EMC1: variants seen among roughly 807,000 people sequenced by gnomAD.
The protein encoded by EMC1 is ER membrane protein complex subunit 1, also known as KIAA0090.
In EMC1, 103 loss-of-function variants were observed where a neutral mutation model predicts 128.8. The ratio of observed to expected loss-of-function variants is 0.80; its 90% confidence interval spans 0.68 to 0.94. The LOEUF (loss-of-function observed/expected upper bound fraction) is 0.94. Ranked by LOEUF, EMC1 falls within the 40% of genes least tolerant of loss-of-function variation. The probability of loss-of-function intolerance (pLI) is 0.00; values close to 1 mark genes in which losing one functional copy is unlikely to be tolerated. For missense variants in EMC1, 1,083 were observed against 1,250.6 expected (o/e 0.87, Z 2.02); for synonymous variants, 442 against 490.4 (o/e 0.90, Z 1.30).
rs188945281 is a variant in EMC1, at chr1:19,227,399, G to A, written c.2116C>T (p.Arg706Trp). 9.3e-6 allele frequency: 15 copies of A among 1,614,174 alleles called. No individual in the cohort carries two copies. The highest frequency in any genetic ancestry group is 2.2e-5 in the East Asian group (1 of 44,878). ...WELTIPPEVQ[R>W]IVKVKGKRSS... ...CGTTTCCCCTTCACCTTGACGATCC[G>A]CTGTACTTCTGGGGGAATGGTCAGC... Residue 706 changes from arginine (R) to tryptophan (W), a missense_variant, in exon 18 of 23, where the codon CGG (arginine) becomes TGG (tryptophan). Physicochemically the swap from Arg to Trp is moderately radical, Grantham distance 101. Coordinates refer to ENST00000477853, the MANE Select transcript of EMC1 (RefSeq NM_015047.3).
chr1:19,226,746 T>C (rs710877), intron 18 of EMC1, among the ~76,000 whole-genome samples: 3 of 150,184 alleles, frequency 2.0e-5, no homozygotes, highest in Admixed American at 1.3e-4. Flanking sequence ...TTTTTTTTTT[T>C]GGGGGTGGTA....
chr1:19,233,366 G>A (rs2093539062), intron 13 of EMC1, among the ~76,000 whole-genome samples: 1 of 152,154 alleles, frequency 6.6e-6, no homozygotes, highest in African/African-American at 2.4e-5. Flanking sequence ...ACTAAACCCA[G>A]CTGGAATCTT....
rs1553250515 is a variant in EMC1, at chr1:19,216,244, C to CAAAAAAAAAAAAAAAAA, written c.*3058_*3059insTTTTTTTTTTTTTTTTT. ...AGAGACCCTGCCTCCAAAAAAAAAGCAATTTATAAAGGCAGTGAAATTACA... is the reference window on the plus strand; with the variant it reads ...AGAGACCCTGCCTCCAAAAAAAAAGCAAAAAAAAAAAAAAAAAAATTTATAAAGGCAGTGAAATTACA... On this transcript the variant is annotated 3_prime_UTR_variant, in exon 23 of 23. Transcript: ENST00000477853. 1.0e-5 allele frequency: 1 copy of CAAAAAAAAAAAAAAAAA among 98,114 alleles called. No individual in the cohort carries two copies. Among genetic ancestry groups the CAAAAAAAAAAAAAAAAA allele is most frequent in the African/African-American group, 3.5e-5 (1 of 28,444 alleles). 6.1% of individuals were successfully genotyped at this position (98,114 alleles called of 1,614,324 possible). A position where few individuals can be genotyped will look rare whatever the true frequency, so the allele number is the denominator to read the frequency against.
At chr1:19,250,673 G>T (rs1246062279) in intron 1 of EMC1, among the ~76,000 whole-genome samples, 2 of 152,216 alleles carry the variant, frequency 1.3e-5, no homozygotes, top group Non-Finnish European at 2.9e-5. Context: ...CAGGCATTGT[G>T]CTAAGTAATT....
rs1156953877 is a variant in EMC1 at position 19,240,305 on chromosome 1, G to C, written c.778C>G (p.Pro260Ala). 9.9e-6 allele frequency: 16 copies of C among 1,614,164 alleles called. No individual in the cohort carries two copies. The highest frequency in any genetic ancestry group is 8.9e-5 in the East Asian group (4 of 44,890). The change falls in exon 7 of 23, where the codon CCA (proline) becomes GCA (alanine). Residue 260 changes from proline (P) to alanine (A), a missense_variant. Transcript: ENST00000477853. ...LETEWELRQI[P>A]LQSLDLEFGS... Reference sequence around the variant, plus strand: ...CAGTGGCAGCCTCTCACCTGCAGTGGGATCTGTCTCAACTCCCATTCCGTC... The same window carrying C: ...CAGTGGCAGCCTCTCACCTGCAGTGCGATCTGTCTCAACTCCCATTCCGTC...
In EMC1 at chr1:19,237,172, CCT is replaced by C. The variant is rs2093571610; in HGVS notation, c.1277_1278del (p.Glu426GlyfsTer20). The part of the protein sequence containing the change: ...SVGYRALVQT[E>X]DHLLLFLQQL... ...TGCTGCAGGAAAAGTAGCAGATGAT[CCT>C]CTGTCTGCACCAAAGCCCGGTAGCC... On this transcript the variant is annotated frameshift_variant, in exon 12 of 23. Transcript: ENST00000477853. LOFTEE classifies it high-confidence loss of function. 2 of 1,613,888 alleles carry C rather than the reference CCT, an allele frequency of 1.2e-6. No homozygotes were observed. The highest frequency in any genetic ancestry group is 1.7e-6 in the Non-Finnish European group (2 of 1,179,892).
chr1:19,240,885 G>T, intron 6 of EMC1, 131 bp downstream of exon 6: 1 of 1,037,118 alleles, frequency 9.6e-7, no homozygotes, highest in Non-Finnish European at 1.4e-6. Context: ...CAGCTGGCAA[G>T]TGACCAGAAT....
At position 19,219,312 on chromosome 1, in the gene EMC1, G is replaced by C. The variant is rs2093413281; in HGVS notation, c.2973C>G (p.Ala991=). ...RLAQVKLLNR[A]WR is the part of the protein sequence containing the mutation. Reference sequence around the variant, plus strand: ...GCACAGTCTTTGTTCTTTATCGCCAGGCCCGATTCAGGAGCTTCACCTGTG... The same window carrying C: ...GCACAGTCTTTGTTCTTTATCGCCACGCCCGATTCAGGAGCTTCACCTGTG... Residue 991 remains alanine, a synonymous_variant, in exon 23 of 23, where the codon GCC becomes GCG. Transcript: ENST00000477853. The C allele has an allele frequency of 6.2e-7, 1 of 1,613,934 alleles. No individual in the cohort carries two copies. Among genetic ancestry groups the C allele is most frequent in the African/African-American group, 1.3e-5 (1 of 74,874 alleles).
At chr1:19,251,356 G>A in intron 1 of EMC1, 59 bp downstream of exon 1, 1 of 1,447,896 alleles carries the variant, frequency 6.9e-7, no homozygotes, top group Middle Eastern at 1.7e-4. Context: ...TTAGCAGGTA[G>A]GAGACAGGTA....
rs2093536644 is a variant in EMC1 at position 19,233,109 on chromosome 1, G to A, written c.1459C>T (p.Arg487Cys). 9.3e-6 allele frequency: 15 copies of A among 1,614,070 alleles called. No homozygotes were observed. The highest frequency in any genetic ancestry group is 1.2e-5 in the Non-Finnish European group (14 of 1,179,990). ...AGCAGGATAAGCTGAGACGAGAGGC[G>A]TTTCAGGAACATCCCCAGCAAGCCA... ...ADGLLGMFLK[R>C]LSSQLILLQA... The change falls in exon 14 of 23, where the codon CGC becomes TGC. Residue 487 changes from arginine to cysteine, a missense_variant. Physicochemically the swap from Arg to Cys is radical, Grantham distance 180. Around this residue, in one of 3 missense-constraint regions of EMC1, gnomAD observed 12 missense variants for 34.2 expected, o/e 0.35. Coordinates refer to ENST00000477853, the MANE Select transcript of EMC1 (RefSeq NM_015047.3).
rs749806426 is a variant in EMC1, at chr1:19,243,569, T to C, written c.380+45A>G. The stretch of plus-strand genomic sequence containing the variant: ...CTGTCTATGCAGATCTGTGTTCCGG[T>C]GAAGCCTTTAACTCAGTCAAGATAA... On this transcript the variant is annotated intron_variant, in intron 4 of 22. Coordinates refer to ENST00000477853, the MANE Select transcript of EMC1 (RefSeq NM_015047.3). The C allele has an allele frequency of 2.6e-6, 4 of 1,535,796 alleles. No individual in the cohort carries two copies. The African/African-American group carries it at 5.5e-5, about 21-fold the overall frequency.
chr1:19,235,282 C>T (rs746062777), intron 12 of EMC1, 30 bp from the exon 13 acceptor site: 3 of 1,602,104 alleles, frequency 1.9e-6, no homozygotes, highest in Non-Finnish European at 2.6e-6. Flanking sequence ...AAAGCTAAGC[C>T]TGGGGCTGGG....
At position 19,223,566 on chromosome 1, in the gene EMC1, G is replaced by A. The variant is rs768141678; in HGVS notation, c.2206C>T (p.Leu736=). ...MGDRSVLYKS[L]NPNLLAVVTE... is the part of the protein sequence containing the mutation. Reference sequence around the variant, plus strand: ...ACCACGGCCAGCAGGTTGGGGTTCAGGCTCTGGAGAGAGAGAGAAAACCTC... The same window carrying A: ...ACCACGGCCAGCAGGTTGGGGTTCAAGCTCTGGAGAGAGAGAGAAAACCTC... The change falls in exon 19 of 23, where the codon CTG becomes TTG. Residue 736 remains leucine (L), a synonymous_variant. Coordinates refer to ENST00000477853, the MANE Select transcript of EMC1 (RefSeq NM_015047.3). 6.8e-6 allele frequency: 11 copies of A among 1,613,604 alleles called. No individual in the cohort carries two copies. Among genetic ancestry groups the A allele is most frequent in the Non-Finnish European group, 8.5e-6 (10 of 1,179,994 alleles).
At chr1:19,251,348 A>G in intron 1 of EMC1, 67 bp downstream of exon 1, 1 of 1,394,652 alleles carries the variant, frequency 7.2e-7, no homozygotes, top group Non-Finnish European at 1.0e-6. Context: ...GACAACCTTT[A>G]GCAGGTAGGA....
At chr1:19,249,717 G>C (rs2093648412) in intron 1 of EMC1, among the ~76,000 whole-genome samples, 2 of 151,982 alleles carry the variant, frequency 1.3e-5, no homozygotes, top group South Asian at 4.1e-4. Flanking sequence ...TTGAGCCCAG[G>C]TGTTCAAGAC....
chr1:19,249,201 T>G lies in EMC1; in HGVS notation c.95+2214A>C, dbSNP rs1302311472. On this transcript the variant is annotated intron_variant, in intron 1 of 22. Coordinates refer to ENST00000477853, the MANE Select transcript of EMC1 (RefSeq NM_015047.3). ...TTTTATAAATTTAGTATAGTCTAAA[T>G]GCACAGTATTTATAAAGTCCACAGT... Among the ~76,000 whole-genome samples the G allele has an allele frequency of 2.4e-4, 37 of 152,312 alleles. 1 individual carries two copies. Among genetic ancestry groups the G allele is most frequent in the Non-Finnish European group, 1.5e-5 (1 of 68,036 alleles).
chr1:19,239,562 C>G, intron 8 of EMC1: 1 of 582,916 alleles, frequency 1.7e-6, no homozygotes, highest in Non-Finnish European at 3.0e-6. Context: ...TATGGGGAAG[C>G]TCTCATTTAT....
chr1:19,219,715 G>A lies in EMC1; in HGVS notation c.2673-17C>T, dbSNP rs749216366. On this transcript the variant is annotated splice_polypyrimidine_tract_variant and intron_variant, in intron 21 of 22. Coordinates refer to ENST00000477853, the MANE Select transcript of EMC1 (RefSeq NM_015047.3). ...TTCTCCTCTCTGCAAAACACCAGCCGGGACAGGCAGTCTGAGCACTGCTGT... is the reference window on the plus strand; with the variant it reads ...TTCTCCTCTCTGCAAAACACCAGCCAGGACAGGCAGTCTGAGCACTGCTGT... 5.0e-6 allele frequency: 8 copies of A among 1,613,914 alleles called. No individual in the cohort carries two copies. Among genetic ancestry groups the A allele is most frequent in the East Asian group, 2.2e-5 (1 of 44,846 alleles).
In EMC1 at chr1:19,243,918, G is replaced by A. The variant is rs772976685; in HGVS notation, c.286+32C>T. 51 of 1,610,114 alleles carry A rather than the reference G, an allele frequency of 3.2e-5. No individual in the cohort carries two copies. In the East Asian group the frequency reaches 5.8e-4, roughly 18 times the overall value. On this transcript the variant is annotated intron_variant, in intron 3 of 22. Transcript: ENST00000477853. ...CAAGGAATGGGACAGGGAGCTGGCC[G>A]CACAATGGAGACACGGGAGGACTCT...
Sources: allele counts gnomAD v4.1 joint callset (sites outside exome capture counted in the v4.1 genomes callset), GRCh38; gene constraint gnomAD v4.1.1; regional missense constraint gnomAD v4.1.1; transcripts MANE v1.5; gene names NCBI Gene and HGNC (gene_info 2026-07-23, HGNC 2026-07-21).